Variants in OR1J2 observed in about 807,000 individuals in gnomAD.
OR1J2 encodes the protein olfactory receptor 1J2.
For missense variants in OR1J2, 304 were observed against 246.1 expected, an observed-to-expected ratio of 1.24 and a Z score of -1.57; for synonymous variants, 142 against 99.7, an observed-to-expected ratio of 1.42 and a Z score of -2.52.
upstream of OR1J2, among the ~76,000 whole-genome samples, chr9:122,510,524 A>C (rs1322682955): frequency 1.3e-5 from 2 of 152,066 alleles, no homozygotes; most frequent in Non-Finnish European, 2.9e-5. Context: ...TCTGGGGTAC[A>C]TGTGCAGGAT....
At chr9:122,526,910 GA>G in the OR1J2 span, 1 of 1,614,204 alleles carries the variant, frequency 6.2e-7, no homozygotes, top group Non-Finnish European at 8.5e-7. Context: ...TGGAGTAGCA[GA>G]GGGGGTGGCA....
the OR1J2 span, among the ~76,000 whole-genome samples, chr9:122,468,532 CT>C: frequency 3.5e-3 from 523 of 149,944 alleles, 3 homozygotes; most frequent in African/African-American, 0.011. Flanking sequence ...ATCATAAACT[CT>C]TTTTTTTTTC....
At chr9:122,532,913 C>T in the OR1J2 span, among the ~76,000 whole-genome samples, 2 of 151,882 alleles carry the variant, frequency 1.3e-5, no homozygotes, top group African/African-American at 2.4e-5. Context: ...AGGGAGAGCA[C>T]GTGTGTTTTT....
the OR1J2 span, among the ~76,000 whole-genome samples, chr9:122,518,743 T>C: frequency 3.9e-5 from 6 of 152,252 alleles, no homozygotes; most frequent in Non-Finnish European, 7.3e-5. Flanking sequence ...TACTAATAGA[T>C]TTTGAAGTCA....
chr9:122,578,040 AT>A, the OR1J2 span, among the ~76,000 whole-genome samples: 2 of 152,236 alleles, frequency 1.3e-5, no homozygotes, highest in South Asian at 4.1e-4. Flanking sequence ...GCTGGTGAGA[AT>A]GTAAATTAGT....
the OR1J2 span, among the ~76,000 whole-genome samples, chr9:122,450,945 A>G: frequency 1.3e-5 from 2 of 152,104 alleles, no homozygotes; most frequent in Non-Finnish European, 2.9e-5. Flanking sequence ...TTAGAAAGTG[A>G]TCCTTAATGT....
the OR1J2 span, among the ~76,000 whole-genome samples, chr9:122,457,988 G>T: frequency 1.3e-5 from 2 of 152,030 alleles, no homozygotes; most frequent in Non-Finnish European, 2.9e-5. Flanking sequence ...TGTGCAGTCA[G>T]CATTCATTTT....
the OR1J2 span, among the ~76,000 whole-genome samples, chr9:122,552,307 TG>T: frequency 6.6e-6 from 1 of 152,142 alleles, no homozygotes; most frequent in East Asian, 1.9e-4. Flanking sequence ...AAAAACAGAC[TG>T]GTTATTTTCA....
At chr9:122,516,635 T>C (rs1828703887), downstream of OR1J2, among the ~76,000 whole-genome samples, 3 of 152,148 alleles carry the variant, frequency 2.0e-5, no homozygotes, top group Non-Finnish European at 4.4e-5. Context: ...TTTATGCAGA[T>C]AGAAATAGGC....
the OR1J2 span, chr9:122,567,492 G>A: frequency 7.5e-6 from 10 of 1,331,430 alleles, no homozygotes; most frequent in Non-Finnish European, 8.3e-6. Context: ...GAAACCAGTA[G>A]AAAACACGTC....
At chr9:122,531,274 G>A in the OR1J2 span, among the ~76,000 whole-genome samples, 1 of 152,192 alleles carries the variant, frequency 6.6e-6, no homozygotes, top group Non-Finnish European at 1.5e-5. Flanking sequence ...AGCCTTGCCA[G>A]CAAAGATTGT....
At chr9:122,456,981 T>C in the OR1J2 span, among the ~76,000 whole-genome samples, 4 of 152,150 alleles carry the variant, frequency 2.6e-5, no homozygotes. Context: ...CAAATGCTCA[T>C]CAGTGATAGA....
chr9:122,522,048 T>G, the OR1J2 span, among the ~76,000 whole-genome samples: 1 of 152,244 alleles, frequency 6.6e-6, no homozygotes, highest in Non-Finnish European at 1.5e-5. Context: ...CCGTATTGAT[T>G]TGAATATGCA....
At chr9:122,571,323 A>G in the OR1J2 span, among the ~76,000 whole-genome samples, 1,830 of 152,186 alleles carry the variant, frequency 0.012, 47 homozygotes, top group African/African-American at 0.041. Flanking sequence ...AGGCTGAGGC[A>G]GGCGGATCAC....
At chr9:122,569,943 T>C in the OR1J2 span, among the ~76,000 whole-genome samples, 1 of 150,932 alleles carries the variant, frequency 6.6e-6, no homozygotes, top group African/African-American at 2.4e-5. Context: ...GGTTTTTTGT[T>C]CTTGCGATAG....
chr9:122,507,769 C>T (rs111826910), upstream of OR1J2, among the ~76,000 whole-genome samples: 21 of 152,236 alleles, frequency 1.4e-4, no homozygotes, highest in African/African-American at 3.9e-4. Flanking sequence ...TGTAAAAGGA[C>T]GTAAATTCCT....
chr9:122,513,307 G>T (rs1828661837), downstream of OR1J2, among the ~76,000 whole-genome samples: 1 of 152,174 alleles, frequency 6.6e-6, no homozygotes, highest in African/African-American at 2.4e-5. Context: ...GCTTAAACTG[G>T]AGTCTGAGAT....
At chr9:122,463,636 C>G in the OR1J2 span, among the ~76,000 whole-genome samples, 133 of 152,182 alleles carry the variant, frequency 8.7e-4, no homozygotes, top group Non-Finnish European at 1.5e-3. Flanking sequence ...ATGTGGTGCT[C>G]TCTCCTTTCC....
chr9:122,487,627 T>C, the OR1J2 span, among the ~76,000 whole-genome samples: 10 of 152,340 alleles, frequency 6.6e-5, no homozygotes, highest in African/African-American at 1.7e-4. Context: ...AGAAAAGTCA[T>C]GAGCTCAACC....
Sources: allele counts gnomAD v4.1 joint callset (sites outside exome capture counted in the v4.1 genomes callset), GRCh38; gene constraint gnomAD v4.1.1; transcripts MANE v1.5; gene names NCBI Gene and HGNC (gene_info 2026-07-23, HGNC 2026-07-21).